Variants in KCNQ5 observed in about 807,000 individuals in gnomAD.
KCNQ5 encodes potassium voltage-gated channel subfamily KQT member 5.
A neutral mutation model predicts 98.2 loss-of-function variants in KCNQ5; 30 were observed. The observed-to-expected ratio is 0.31, with a 90% CI of 0.23 to 0.41. The LOEUF (loss-of-function observed/expected upper bound fraction) is 0.41. KCNQ5 is among the 10% of genes least tolerant of loss of function. The pLI, the probability that KCNQ5 is intolerant of heterozygous loss-of-function variation, is 1.00. For synonymous variants in KCNQ5, 458 were observed against 449.4 expected, an observed-to-expected ratio of 1.02 and a Z score of -0.24; for missense variants, 835 against 1,182.5, an observed-to-expected ratio of 0.71 and a Z score of 4.31.
At chr6:72,945,752 A>G (rs1329181639) in intron 1 of KCNQ5, among the ~76,000 whole-genome samples, 1 of 151,978 alleles carries the variant, frequency 6.6e-6, no homozygotes, top group Non-Finnish European at 1.5e-5. Flanking sequence ...ACTGCTCCCC[A>G]CCTGATATAT....
chr6:73,181,766 G>A (rs1778411712), intron 11 of KCNQ5, among the ~76,000 whole-genome samples: 1 of 152,194 alleles, frequency 6.6e-6, no homozygotes, highest in Non-Finnish European at 1.5e-5. Flanking sequence ...GCTCAAAGCT[G>A]GAGCCAAACT....
intron 1 of KCNQ5, among the ~76,000 whole-genome samples, chr6:72,912,107 T>C (rs185594233): frequency 5.4e-4 from 82 of 152,244 alleles, no homozygotes; most frequent in African/African-American, 1.7e-3. Flanking sequence ...CCTGATGAGT[T>C]ATTGGAGTGT....
chr6:72,886,723 C>G (rs1778858844), intron 1 of KCNQ5, among the ~76,000 whole-genome samples: 1 of 152,060 alleles, frequency 6.6e-6, no homozygotes, highest in Admixed American at 6.6e-5. Flanking sequence ...ACTGACAATT[C>G]TTAGCAATAA....
At chr6:72,883,699 G>T (rs1026706566) in intron 1 of KCNQ5, among the ~76,000 whole-genome samples, 3 of 152,090 alleles carry the variant, frequency 2.0e-5, no homozygotes, top group African/African-American at 7.2e-5. Flanking sequence ...AGTTCCCATT[G>T]CTACCTGCCG....
At chr6:72,996,351 C>G (rs1200416600) in intron 1 of KCNQ5, among the ~76,000 whole-genome samples, 1 of 152,090 alleles carries the variant, frequency 6.6e-6, no homozygotes, top group Non-Finnish European at 1.5e-5. Context: ...ATCCCTTTTG[C>G]CAGAAGCAAC....
intron 1 of KCNQ5, among the ~76,000 whole-genome samples, chr6:72,623,235 C>A (rs1223375663): frequency 1.3e-5 from 2 of 152,268 alleles, no homozygotes; most frequent in East Asian, 1.9e-4. Flanking sequence ...GCAGGCCAGG[C>A]GAAGCAACGC....
At chr6:72,954,015 A>G (rs1239931760) in intron 1 of KCNQ5, among the ~76,000 whole-genome samples, 1 of 152,180 alleles carries the variant, frequency 6.6e-6, no homozygotes, top group Non-Finnish European at 1.5e-5. Context: ...AACTGAGTCA[A>G]CAAAAGGCTC....
At chr6:73,150,894 T>C (rs964185361) in intron 10 of KCNQ5, among the ~76,000 whole-genome samples, 2 of 151,860 alleles carry the variant, frequency 1.3e-5, no homozygotes, top group African/African-American at 4.8e-5. Context: ...GAAATGCATA[T>C]CATATTAGTG....
At chr6:73,073,414 T>C (rs531689289) in intron 3 of KCNQ5, among the ~76,000 whole-genome samples, 5 of 152,298 alleles carry the variant, frequency 3.3e-5, no homozygotes, top group African/African-American at 1.2e-4. Context: ...TCCTGGGCAT[T>C]GTAGGATGGT....
chr6:72,738,435 T>C (rs529257913), intron 1 of KCNQ5, among the ~76,000 whole-genome samples: 1 of 152,230 alleles, frequency 6.6e-6, no homozygotes, highest in South Asian at 2.1e-4. Flanking sequence ...TATTACACTT[T>C]AGGTTCTCAA....
intron 7 of KCNQ5, among the ~76,000 whole-genome samples, chr6:73,113,811 G>A (rs1381311267): frequency 6.6e-6 from 1 of 152,202 alleles, no homozygotes; most frequent in Non-Finnish European, 1.5e-5. Flanking sequence ...TTTACCTGGA[G>A]GCCTAGAATT....
At chr6:72,862,283 A>C (rs1777797179) in intron 1 of KCNQ5, among the ~76,000 whole-genome samples, 1 of 152,196 alleles carries the variant, frequency 6.6e-6, no homozygotes, top group Non-Finnish European at 1.5e-5. Flanking sequence ...AAGGAGGAGT[A>C]AGTGAGGAGG....
chr6:73,066,743 G>A (rs1483136626), intron 3 of KCNQ5, among the ~76,000 whole-genome samples: 3 of 152,122 alleles, frequency 2.0e-5, no homozygotes, highest in Non-Finnish European at 2.9e-5. Flanking sequence ...AGTTAATGGC[G>A]AACAGATAAT....
intron 1 of KCNQ5, among the ~76,000 whole-genome samples, chr6:72,864,923 T>C (rs1319808331): frequency 2.0e-5 from 3 of 152,234 alleles, no homozygotes; most frequent in African/African-American, 7.2e-5. Flanking sequence ...AAAACTAGCA[T>C]TGTAAGAATT....
intron 1 of KCNQ5, among the ~76,000 whole-genome samples, chr6:72,721,203 A>G (rs9293899): frequency 0.23 from 34,607 of 152,150 alleles, 5,110 homozygotes; most frequent in East Asian, 0.5. Flanking sequence ...TGTTTAGAAC[A>G]GTACTCAGCA....
At chr6:72,633,632 C>T (rs1358394759) in intron 1 of KCNQ5, among the ~76,000 whole-genome samples, 1 of 152,198 alleles carries the variant, frequency 6.6e-6, no homozygotes, top group African/African-American at 2.4e-5. Flanking sequence ...CACTATCTGA[C>T]TTCAAACTAT....
intron 3 of KCNQ5, among the ~76,000 whole-genome samples, chr6:73,045,637 C>T (rs936252627): frequency 1.3e-5 from 2 of 152,160 alleles, no homozygotes; most frequent in Admixed American, 6.5e-5. Context: ...TGTGAATAAC[C>T]TCTAAGACTG....
intron 1 of KCNQ5, among the ~76,000 whole-genome samples, chr6:72,939,693 G>C (rs549675589): frequency 6.6e-6 from 1 of 152,118 alleles, no homozygotes; most frequent in Non-Finnish European, 1.5e-5. Context: ...TACTTGTCAG[G>C]CCTTATTATC....
chr6:73,064,213 C>G (rs1019165330), intron 3 of KCNQ5, among the ~76,000 whole-genome samples: 9 of 152,154 alleles, frequency 5.9e-5, no homozygotes, highest in Non-Finnish European at 1.3e-4. Flanking sequence ...TGTATGTCAT[C>G]TGAAAATAAG....
Sources: allele counts gnomAD v4.1 joint callset (sites outside exome capture counted in the v4.1 genomes callset), GRCh38; gene constraint gnomAD v4.1.1; transcripts MANE v1.5; gene names NCBI Gene and HGNC (gene_info 2026-07-23, HGNC 2026-07-21).